Variants in ACO1 observed in about 807,000 individuals in gnomAD.
ACO1 encodes cytoplasmic aconitate hydratase.
ACO1 carries 78 observed loss-of-function variants against 105.1 expected under a neutral mutation model. That is an observed-to-expected ratio of 0.74 (90% CI 0.62 to 0.90). The LOEUF (loss-of-function observed/expected upper bound fraction) is 0.90. Ranked by LOEUF, ACO1 falls within the 40% of genes least tolerant of loss-of-function variation. The probability of loss-of-function intolerance (pLI) is 0.00; values close to 1 mark genes in which losing one functional copy is unlikely to be tolerated. For synonymous variants in ACO1, 364 were observed against 397.4 expected (o/e 0.92, Z 1.00); for missense variants, 965 against 1,111.1 (o/e 0.87, Z 1.87).
At chr9:32,435,350 G>A (rs1490017506) in intron 17 of ACO1, among the ~76,000 whole-genome samples, 2 of 152,082 alleles carry the variant, frequency 1.3e-5, no homozygotes, top group Non-Finnish European at 2.9e-5. Context: ...TGATTGTTGA[G>A]CCCTTTTGAG....
chr9:32,428,843 CAA>C (rs112618859), intron 12 of ACO1, among the ~76,000 whole-genome samples: 1 of 142,214 alleles, frequency 7.0e-6, no homozygotes, highest in African/African-American at 2.6e-5. Flanking sequence ...GACTCCGTCT[CAA>C]AAAAAAAAAA....
intron 14 of ACO1, 138 bp from the exon 15 acceptor site, chr9:32,431,581 G>A: frequency 1.1e-6 from 1 of 888,492 alleles, no homozygotes; most frequent in Middle Eastern, 2.9e-4. Flanking sequence ...TCCAGTGGCA[G>A]TGATTCCGTA....
rs756123819 is a variant in ACO1 at position 32,427,410 on chromosome 9, A to G, written c.1458A>G (p.Gly486=). Residue 486 remains glycine (G), a synonymous_variant, in exon 12 of 21, where the codon GGA becomes GGG. Coordinates refer to ENST00000309951, the MANE Select transcript of ACO1 (RefSeq NM_002197.3). Reference sequence around the variant, plus strand: ...TCACCTACTACCTACAAGAAAGCGGAGTCATGCCTTATCTGTCTCAGCTTG... The same window carrying G: ...TCACCTACTACCTACAAGAAAGCGGGGTCATGCCTTATCTGTCTCAGCTTG... The part of the protein sequence containing the change: ...GVVTYYLQES[G]VMPYLSQLGF... 5.6e-6 allele frequency: 9 copies of G among 1,614,098 alleles called. No homozygotes were observed. The Admixed American group carries it at 1.3e-4, about 24-fold the overall frequency.
In ACO1 at chr9:32,443,487, T is replaced by A. The variant is rs572861548; in HGVS notation, c.2370+2900T>A. On this transcript the variant is annotated intron_variant, in intron 19 of 20. Transcript: ENST00000309951. ...TACTGTCATCACTGTCTATGAATCA[T>A]CTCATTATCGATATTCTAGACTTTG... Among the ~76,000 whole-genome samples, 17 of 152,336 alleles carry A rather than the reference T, an allele frequency of 1.1e-4. No homozygotes were observed. The South Asian group carries it at 3.1e-3, about 28-fold the overall frequency.
At position 32,451,793 on chromosome 9, in the gene ACO1, T is replaced by C. The variant is rs952582428; in HGVS notation, c.*1682T>C. The C allele has an allele frequency of 6.6e-6, 1 of 152,252 alleles. No individual in the cohort carries two copies. The highest frequency in any genetic ancestry group is 2.4e-5 in the African/African-American group (1 of 41,462). 9.4% of individuals were successfully genotyped at this position (152,252 alleles called of 1,614,324 possible). A position where few individuals can be genotyped will look rare whatever the true frequency, so the allele number is the denominator to read the frequency against. Reference sequence around the variant, plus strand: ...ATTACAAACAAACAGCCAGGCGCAGTGGCTCATGCCTATAATTCCATCACT... The same window carrying C: ...ATTACAAACAAACAGCCAGGCGCAGCGGCTCATGCCTATAATTCCATCACT... On this transcript the variant is annotated 3_prime_UTR_variant, in exon 21 of 21. Coordinates refer to ENST00000309951, the MANE Select transcript of ACO1 (RefSeq NM_002197.3).
At chr9:32,398,637 A>T (rs1203941577) in intron 1 of ACO1, among the ~76,000 whole-genome samples, 1 of 149,858 alleles carries the variant, frequency 6.7e-6, no homozygotes, top group Non-Finnish European at 1.5e-5. Flanking sequence ...TCTGTTACCC[A>T]GACTGGAATG....
At chr9:32,440,881 A>G (rs1357081777) in intron 19 of ACO1, among the ~76,000 whole-genome samples, 2 of 152,150 alleles carry the variant, frequency 1.3e-5, no homozygotes, top group Admixed American at 6.5e-5. Context: ...CCAGAAGTAT[A>G]CATGTATGTC....
intron 2 of ACO1, among the ~76,000 whole-genome samples, chr9:32,407,028 C>T (rs377568938): frequency 5.9e-5 from 9 of 152,064 alleles, no homozygotes; most frequent in South Asian, 2.1e-4. Context: ...ATGATCCGCC[C>T]GCCTCAGCCT....
intron 18 of ACO1, among the ~76,000 whole-genome samples, chr9:32,438,478 G>A (rs544631154): frequency 5.9e-5 from 9 of 152,278 alleles, no homozygotes; most frequent in South Asian, 4.1e-4. Flanking sequence ...AAGTTGGAAC[G>A]GGACTGAGAG....
chr9:32,386,975 C>G (rs929886222), intron 1 of ACO1, among the ~76,000 whole-genome samples: 29 of 152,084 alleles, frequency 1.9e-4, no homozygotes, highest in African/African-American at 7.0e-4. Context: ...GAAAGCTGGT[C>G]CTGTGTGAAG....
chr9:32,416,340 GCCT>G (rs1011388953), intron 4 of ACO1, among the ~76,000 whole-genome samples: 12 of 152,014 alleles, frequency 7.9e-5, no homozygotes, highest in African/African-American at 2.9e-4. Context: ...TGATCTGCCC[GCCT>G]CAGCCTCCCA....
intron 4 of ACO1, among the ~76,000 whole-genome samples, chr9:32,412,757 G>C (rs1404697773): frequency 6.6e-6 from 1 of 152,142 alleles, no homozygotes; most frequent in East Asian, 1.9e-4. Flanking sequence ...TAAAATATAT[G>C]CGTAAAATGT....
At position 32,423,879 on chromosome 9, in the gene ACO1, C is replaced by G. The variant is rs111725926; in HGVS notation, c.1071+460C>G. ...AAGAACTTATTCATGTAACCAAACA[C>G]CACCTGTTCCCCAAAAATCTATTGA... On this transcript the variant is annotated intron_variant, in intron 9 of 20. Coordinates refer to ENST00000309951, the MANE Select transcript of ACO1 (RefSeq NM_002197.3). Among the ~76,000 whole-genome samples, 62 of 152,272 alleles carry G rather than the reference C, an allele frequency of 4.1e-4. 1 individual carries two copies. Among genetic ancestry groups the G allele is most frequent in the African/African-American group, 1.4e-3 (59 of 41,546 alleles).
At chr9:32,434,533 T>G (rs770621874) in intron 16 of ACO1, 26 bp from the exon 17 acceptor site, 1 of 1,613,324 alleles carries the variant, frequency 6.2e-7, no homozygotes, top group Admixed American at 1.7e-5. Context: ...CCTGGGCCAA[T>G]GCTGACTTTT....
chr9:32,394,083 A>G (rs1049563243), intron 1 of ACO1, among the ~76,000 whole-genome samples: 1 of 152,132 alleles, frequency 6.6e-6, no homozygotes, highest in Non-Finnish European at 1.5e-5. Context: ...TCTCCCCAAC[A>G]TGTACCCTGT....
At chr9:32,406,914 G>T (rs1821623400) in intron 2 of ACO1, among the ~76,000 whole-genome samples, 1 of 152,174 alleles carries the variant, frequency 6.6e-6, no homozygotes, top group African/African-American at 2.4e-5. Context: ...CTCCCCAGTA[G>T]CTGGGACTAC....
chr9:32,441,860 G>A (rs572092028), intron 19 of ACO1, among the ~76,000 whole-genome samples: 1 of 152,342 alleles, frequency 6.6e-6, no homozygotes, highest in Admixed American at 6.5e-5. Flanking sequence ...AGCCGTGCTG[G>A]ACTGTACTTA....
intron 20 of ACO1, 47 bp from the exon 21 acceptor site, chr9:32,449,951 T>G (rs1822719527): frequency 1.3e-6 from 2 of 1,504,830 alleles, no homozygotes; most frequent in Admixed American, 1.7e-5. Context: ...CGAGCAGAGC[T>G]GTCTCGCCAC....
At chr9:32,426,684 A>G (rs1316560730) in intron 11 of ACO1, among the ~76,000 whole-genome samples, 3 of 152,118 alleles carry the variant, frequency 2.0e-5, no homozygotes, top group Non-Finnish European at 4.4e-5. Flanking sequence ...TCTGTAGACA[A>G]GTTACCAGCT....
Sources: allele counts gnomAD v4.1 joint callset (sites outside exome capture counted in the v4.1 genomes callset), GRCh38; gene constraint gnomAD v4.1.1; transcripts MANE v1.5; gene names NCBI Gene and HGNC (gene_info 2026-07-23, HGNC 2026-07-21).